The following SCNN1G variants were observed in gnomAD, a reference collection of about 807,000 sequenced individuals.
SCNN1G encodes sodium channel epithelial 1 subunit gamma.
In SCNN1G, 27 loss-of-function variants were observed where a neutral mutation model predicts 64.6. That is an observed-to-expected ratio of 0.42 (90% CI 0.31 to 0.58). The LOEUF is 0.58. Among genes scored for constraint, SCNN1G ranks in the 20% least tolerant of loss-of-function variants. The pLI is 0.18. For missense variants in SCNN1G, 743 were observed against 823.4 expected (o/e 0.90, Z 1.19); for synonymous variants, 330 against 314.2 (o/e 1.05, Z -0.53).
At position 23,212,878 on chromosome 16, in the gene SCNN1G, C is replaced by T; in HGVS notation, c.1415C>T (p.Pro472Leu). ...WTLTTSLAQW[P>L]SVVSEKWLLP... ...CTAACCACAAGCCTGGCACAATGGC[C>T]ATCTGTGGTTTCGGAGGTAAGTTCT... The change falls in exon 10 of 13, where the codon CCA becomes CTA. Residue 472 changes from proline to leucine, a missense_variant. By Grantham distance (98) the Pro-to-Leu change is moderately conservative (BLOSUM62 -3). Transcript: ENST00000300061. 1 of 1,614,144 alleles carries T rather than the reference C, an allele frequency of 6.2e-7. No individual in the cohort carries two copies. Among genetic ancestry groups the T allele is most frequent in the Non-Finnish European group, 8.5e-7 (1 of 1,180,024 alleles).
Position 23,197,347 on chromosome 16 carries a change from C to T in SCNN1G, c.997C>T (p.Arg333Trp), listed in dbSNP as rs1385235344. The T allele has an allele frequency of 9.3e-6, 15 of 1,613,668 alleles. No homozygotes were observed. The highest frequency in any genetic ancestry group is 2.7e-5 in the African/African-American group (2 of 74,902). Residue 333 changes from arginine to tryptophan, a missense_variant, in exon 6 of 13, where the codon CGG (arginine) becomes TGG (tryptophan). Transcript: ENST00000300061. ...SSTGAKVIIH[R>W]QDEYPFVEDV... ...CACTGGAGCTAAGGTGATCATCCAT[C>T]GGCAGGATGAGTATCCCTTCGTCGA...
Position 23,186,458 on chromosome 16 carries a change from G to A in SCNN1G, c.187G>A (p.Ala63Thr). The change falls in exon 2 of 13, where the codon GCC becomes ACC. Residue 63 changes from alanine to threonine, a missense_variant. Coordinates refer to ENST00000300061, the MANE Select transcript of SCNN1G (RefSeq NM_001039.4). Reference sequence around the variant, plus strand: ...CCTCTGGATCGGGTTCACACTGACTGCCGTGGCCCTCATCCTCTGGCAGTG... The same window carrying A: ...CCTCTGGATCGGGTTCACACTGACTACCGTGGCCCTCATCCTCTGGCAGTG... ...RLLWIGFTLT[A>T]VALILWQCAL... 1 of 1,614,180 alleles carries A rather than the reference G, an allele frequency of 6.2e-7. No homozygotes were observed. Among genetic ancestry groups the A allele is most frequent in the Non-Finnish European group, 8.5e-7 (1 of 1,180,046 alleles).
chr16:23,204,288 C>CAT (rs59288460), intron 6 of SCNN1G, among the ~76,000 whole-genome samples: 39 of 14,170 alleles, frequency 2.8e-3, no homozygotes, highest in Non-Finnish European at 3.2e-3. Context: ...CAAATATATA[C>CAT]ATATATATAT....
At chr16:23,199,502 T>C (rs1368840358) in intron 6 of SCNN1G, among the ~76,000 whole-genome samples, 1 of 152,078 alleles carries the variant, frequency 6.6e-6, no homozygotes, top group East Asian at 1.9e-4. Flanking sequence ...GATATAGCAA[T>C]TGAGAACCAC....
rs1469244334 is a variant in SCNN1G, at chr16:23,213,176, T to C, written c.1493+13T>C. The C allele has an allele frequency of 6.2e-7, 1 of 1,600,760 alleles. No homozygotes were observed. On this transcript the variant is annotated intron_variant, in intron 11 of 12. Coordinates refer to ENST00000300061, the MANE Select transcript of SCNN1G (RefSeq NM_001039.4). ...AAAAGCTCAACAAGTAAGTTACCTCTACCCTGTTCCTCTGTCTCTTCCCAC... is the reference window on the plus strand; with the variant it reads ...AAAAGCTCAACAAGTAAGTTACCTCCACCCTGTTCCTCTGTCTCTTCCCAC...
intron 7 of SCNN1G, among the ~76,000 whole-genome samples, chr16:23,210,406 A>C (rs995561476): frequency 6.6e-6 from 1 of 152,206 alleles, no homozygotes; most frequent in Non-Finnish European, 1.5e-5. Context: ...ATACAGCAAC[A>C]TTGAGCCCAT....
chr16:23,197,414 T>C lies in SCNN1G; in HGVS notation c.1064T>C (p.Ile355Thr), dbSNP rs1959813863. The C allele has an allele frequency of 6.2e-7, 1 of 1,613,928 alleles. No individual in the cohort carries two copies. The highest frequency in any genetic ancestry group is 1.1e-5 in the South Asian group (1 of 91,076). ...TEIETAMVTS[I>T]GMHLTESFKL... is the part of the protein sequence containing the mutation. Reference sequence around the variant, plus strand: ...ATTGAGACAGCAATGGTCACCTCTATAGGAATGCACCTGGTAAGAGAATAT... The same window carrying C: ...ATTGAGACAGCAATGGTCACCTCTACAGGAATGCACCTGGTAAGAGAATAT... Residue 355 changes from isoleucine to threonine, a missense_variant, in exon 6 of 13, where the codon ATA becomes ACA. Ile to Thr is a moderately conservative substitution (Grantham distance 89, BLOSUM62 -1). Coordinates refer to ENST00000300061, the MANE Select transcript of SCNN1G (RefSeq NM_001039.4).
In SCNN1G at chr16:23,193,967, CAG is replaced by C. The variant is rs5816207; in HGVS notation, c.810-199_810-198del. ...GAAGATTCCGAGAGAAAACAGAAGG[CAG>C]AGAGTCTAGTTCTATGTCCATGTGT... On this transcript the variant is annotated intron_variant, in intron 4 of 12. Coordinates refer to ENST00000300061, the MANE Select transcript of SCNN1G (RefSeq NM_001039.4). Among the ~76,000 whole-genome samples the C allele has an allele frequency of 0.45, 67,824 of 151,728 alleles. 16,544 individuals carry two copies. The highest frequency in any genetic ancestry group is 0.77 in the East Asian group (3,962 of 5,116).
chr16:23,193,653 A>AT (rs1430487211), intron 4 of SCNN1G, among the ~76,000 whole-genome samples: 2 of 152,188 alleles, frequency 1.3e-5, no homozygotes, highest in African/African-American at 4.8e-5. Context: ...TATCTCAGAA[A>AT]TAAAAATACA....
chr16:23,190,967 C>T (rs1279897846), intron 3 of SCNN1G, among the ~76,000 whole-genome samples: 1 of 150,416 alleles, frequency 6.6e-6, no homozygotes, highest in Non-Finnish European at 1.5e-5. Flanking sequence ...CCTCAGCCTC[C>T]TGAGTAGCTG....
intron 6 of SCNN1G, among the ~76,000 whole-genome samples, chr16:23,197,962 G>A (rs1490297984): frequency 1.3e-5 from 2 of 152,124 alleles, no homozygotes; most frequent in Non-Finnish European, 1.5e-5. Flanking sequence ...CAGCATTTAT[G>A]GAACCTATGC....
rs1408911812 is a variant in SCNN1G, at chr16:23,215,349, C to T, written c.1830C>T (p.His610=). 1.2e-6 allele frequency: 2 copies of T among 1,614,052 alleles called. No individual in the cohort carries two copies. Among genetic ancestry groups the T allele is most frequent in the Admixed American group, 1.7e-5 (1 of 60,004 alleles). ...TACCCACTTTCAACTCTGCTTTGCA[C>T]CTGCCTCCAGCCCTAGGAACCCAAG... ...DDLPTFNSAL[H]LPPALGTQVP... The change falls in exon 13 of 13, where the codon CAC becomes CAT. Residue 610 remains histidine (H), a synonymous_variant. Coordinates refer to ENST00000300061, the MANE Select transcript of SCNN1G (RefSeq NM_001039.4).
At chr16:23,206,702 G>A (rs927048116) in intron 6 of SCNN1G, among the ~76,000 whole-genome samples, 20 of 152,076 alleles carry the variant, frequency 1.3e-4, no homozygotes, top group Non-Finnish European at 2.5e-4. Flanking sequence ...AATCTGGTTT[G>A]ATATAAATGG....
chr16:23,208,045 T>C (rs1442467273), intron 6 of SCNN1G, among the ~76,000 whole-genome samples: 1 of 152,240 alleles, frequency 6.6e-6, no homozygotes, highest in East Asian at 1.9e-4. Flanking sequence ...TGTAATAAAC[T>C]GGTCACTATT....
chr16:23,189,396 G>C lies in SCNN1G; in HGVS notation c.343G>C (p.Ala115Pro). 6.2e-7 allele frequency: 1 copy of C among 1,614,014 alleles called. No homozygotes were observed. Among genetic ancestry groups the C allele is most frequent in the Non-Finnish European group, 8.5e-7 (1 of 1,180,038 alleles). Residue 115 changes from alanine (A) to proline (P), a missense_variant, in exon 3 of 13, where the codon GCT (alanine) becomes CCT (proline). Transcript: ENST00000300061. ...YKYSTVRHLL[A>P]DLEQETREAL... ...GTACAGCACCGTTCGCCACCTTCTA[G>C]CTGACTTGGAACAGGAGACCAGAGA...
intron 7 of SCNN1G, 115 bp from the exon 8 acceptor site, chr16:23,211,919 C>G: frequency 1.3e-6 from 1 of 799,302 alleles, no homozygotes; most frequent in Non-Finnish European, 2.2e-6. Flanking sequence ...GGGGCAGGTT[C>G]ATGTGGTTGG....
Position 23,209,802 on chromosome 16 carries a change from G to A in SCNN1G, c.1130G>A (p.Ser377Asn), listed in dbSNP as rs1333054672. ...EPYSQCTEDG[S>N]DVPIRNIYNA... ...TACAGTCAGTGCACGGAGGACGGGA[G>A]TGACGTGCCAATCAGGAACATCTAC... is the stretch of plus-strand genomic sequence containing the variant. Residue 377 changes from serine to asparagine, a missense_variant, in exon 7 of 13, where the codon AGT becomes AAT. Physicochemically the swap from Ser to Asn is conservative, Grantham distance 46. Transcript: ENST00000300061. 1.2e-6 allele frequency: 2 copies of A among 1,614,108 alleles called. No individual in the cohort carries two copies. The highest frequency in any genetic ancestry group is 1.1e-5 in the South Asian group (1 of 91,080).
chr16:23,204,324 TATATATATATAGAGAGAGAG>T (rs1415844537), intron 6 of SCNN1G, among the ~76,000 whole-genome samples: 10 of 67,518 alleles, frequency 1.5e-4, no homozygotes, highest in African/African-American at 2.3e-4. Flanking sequence ...TATATATATA[TATATATATATAGAGAGAGAG>T]AGAGAGAGAG....
At chr16:23,204,850 A>G (rs1048392727) in intron 6 of SCNN1G, among the ~76,000 whole-genome samples, 22 of 152,186 alleles carry the variant, frequency 1.4e-4, no homozygotes, top group African/African-American at 5.1e-4. Context: ...GCTCACGCCT[A>G]TAATCCTAGT....
Sources: allele counts gnomAD v4.1 joint callset (sites outside exome capture counted in the v4.1 genomes callset), GRCh38; gene constraint gnomAD v4.1.1; transcripts MANE v1.5; gene names NCBI Gene and HGNC (gene_info 2026-07-23, HGNC 2026-07-21).